ACSF3: variants seen among roughly 807,000 people sequenced by gnomAD.
ACSF3 encodes malonate--CoA ligase ACSF3, mitochondrial.
In ACSF3, 78 loss-of-function variants were observed where a neutral mutation model predicts 53.2. The ratio of observed to expected loss-of-function variants is 1.47; its 90% confidence interval spans 1.22 to 1.77. The LOEUF is 1.77. Among genes scored for constraint, ACSF3 ranks in the 40% most tolerant of loss-of-function variants. The pLI is 0.00. For missense variants in ACSF3, 937 were observed against 771.1 expected (o/e 1.22, Z -2.55); for synonymous variants, 414 against 333.1 (o/e 1.24, Z -2.65).
chr16:89,131,127 C>CTTTTTTTTTTTTTTTTTTTTTTTT (rs558773398), intron 7 of ACSF3, among the ~76,000 whole-genome samples: 28 of 69,546 alleles, frequency 4.0e-4, no homozygotes, highest in Non-Finnish European at 6.2e-4. Flanking sequence ...TTTTCTTTTT[C>CTTTTTTTTTTTTTTTTTTTTTTTT]TTTTTTTTTT....
In ACSF3 at chr16:89,113,948, C is replaced by T. The variant is rs142478512; in HGVS notation, c.978-391C>T. On this transcript the variant is annotated intron_variant, in intron 5 of 10. Coordinates refer to ENST00000614302, the MANE Select transcript of ACSF3 (RefSeq NM_001243279.3). ...TGTGCCTGGCCGCAGCCTGCAGCGC[C>T]GTGGCTGTTCACCCGTGATCAGCTC... 6.6e-5 allele frequency: 23 copies of T among 349,028 alleles called. No homozygotes were observed. The East Asian group carries it at 1.4e-3, about 21-fold the overall frequency. 21.6% of individuals were successfully genotyped at this position (349,028 alleles called of 1,614,324 possible).
In ACSF3 at chr16:89,106,601, A is replaced by C. The variant is rs563622796; in HGVS notation, c.822+3842A>C. On this transcript the variant is annotated intron_variant, in intron 4 of 10. Coordinates refer to ENST00000614302, the MANE Select transcript of ACSF3 (RefSeq NM_001243279.3). ...GCCACTATGCCCAGCTGAAAACTTA[A>C]TATTTAAACAAATTTGATGCTGTGG... is the stretch of plus-strand genomic sequence containing the variant. 5.3e-5 allele frequency among the ~76,000 whole-genome samples: 8 copies of C among 152,204 alleles called. No individual in the cohort carries two copies. The South Asian group carries it at 1.4e-3, about 28-fold the overall frequency.
At chr16:89,124,373 A>G (rs888725596) in intron 7 of ACSF3, among the ~76,000 whole-genome samples, 7 of 146,762 alleles carry the variant, frequency 4.8e-5, no homozygotes, top group African/African-American at 1.7e-4. Flanking sequence ...TGCACACTGC[A>G]TGTGTGTGAT....
rs1160137181 is a variant in ACSF3 at position 89,155,171 on chromosome 16, A to C, written c.*964A>C. On this transcript the variant is annotated 3_prime_UTR_variant, in exon 11 of 11. Coordinates refer to ENST00000614302, the MANE Select transcript of ACSF3 (RefSeq NM_001243279.3). ...ACAGGGGCCACATGCAGAATCCAGA[A>C]GTTTCTGGACAATTTTCAGAAGAAT... is the stretch of plus-strand genomic sequence containing the variant. 2 of 454,046 alleles carry C rather than the reference A, an allele frequency of 4.4e-6. No individual in the cohort carries two copies. Among genetic ancestry groups the C allele is most frequent in the African/African-American group, 2.0e-5 (1 of 50,014 alleles). The allele number at this position is 454,046 out of a possible 1,614,324, so 28.1% of individuals were successfully genotyped here. A position where few individuals can be genotyped will look rare whatever the true frequency, so the allele number is the denominator to read the frequency against.
At chr16:89,126,351 C>T (rs541659329) in intron 7 of ACSF3, among the ~76,000 whole-genome samples, 7 of 152,288 alleles carry the variant, frequency 4.6e-5, no homozygotes, top group African/African-American at 1.4e-4. Context: ...TCACTGCAAC[C>T]TCTACTTCCT....
chr16:89,139,592 T>G (rs377117866), intron 8 of ACSF3, among the ~76,000 whole-genome samples: 18 of 74,546 alleles, frequency 2.4e-4, no homozygotes, highest in East Asian at 2.3e-3. Context: ...TTTTTTTCTG[T>G]TTTTTTTTTT....
chr16:89,112,608 C>T (rs567602871), intron 5 of ACSF3, among the ~76,000 whole-genome samples: 1 of 152,240 alleles, frequency 6.6e-6, no homozygotes, highest in South Asian at 2.1e-4. Context: ...TGTCTTCTCT[C>T]TGTCTCTCTC....
intron 8 of ACSF3, among the ~76,000 whole-genome samples, chr16:89,137,084 C>G (rs920921919): frequency 1.6e-4 from 25 of 152,202 alleles, no homozygotes; most frequent in Admixed American, 1.0e-3. Context: ...GCGGGAGCAG[C>G]AGCAGCAGCA....
At chr16:89,114,154 A>G (rs767883893) in intron 5 of ACSF3, 185 bp from the exon 6 acceptor site, 6 of 734,600 alleles carry the variant, frequency 8.2e-6, no homozygotes, top group South Asian at 3.1e-5. Context: ...GCCGTAGCGC[A>G]GACTGCAGCG....
At chr16:89,145,787 GCACCA>G in intron 9 of ACSF3, 146 bp from the exon 10 acceptor site, 1 of 778,234 alleles carries the variant, frequency 1.3e-6, no homozygotes, top group Non-Finnish European at 2.3e-6. Context: ...GGCCCAGCCA[GCACCA>G]GGACGAGTGA....
chr16:89,100,434 C>G (rs1975136492), intron 2 of ACSF3, among the ~76,000 whole-genome samples: 1 of 152,200 alleles, frequency 6.6e-6, no homozygotes, highest in Non-Finnish European at 1.5e-5. Flanking sequence ...GTTTGGGAAT[C>G]CTTAAACTCA....
chr16:89,101,359 C>A lies in ACSF3; in HGVS notation c.666+12C>A, dbSNP rs756416005. Reference sequence around the variant, plus strand: ...ACATCAGGGCTGTGGTGAGTGCCGCCTGGCGCCGTGATGGTTTCGGTGACC... The same window carrying A: ...ACATCAGGGCTGTGGTGAGTGCCGCATGGCGCCGTGATGGTTTCGGTGACC... On this transcript the variant is annotated intron_variant, in intron 3 of 10. Coordinates refer to ENST00000614302, the MANE Select transcript of ACSF3 (RefSeq NM_001243279.3). 3.8e-6 allele frequency: 6 copies of A among 1,569,140 alleles called. No individual in the cohort carries two copies. The Admixed American group carries it at 1.1e-4, about 30-fold the overall frequency.
intron 10 of ACSF3, chr16:89,151,130 G>A (rs759894011): frequency 2.0e-5 from 19 of 934,634 alleles, no homozygotes; most frequent in African/African-American, 1.0e-4. Flanking sequence ...GCAGGATGGC[G>A]GCACGGAGGG....
intron 7 of ACSF3, among the ~76,000 whole-genome samples, chr16:89,123,954 GCA>G (rs1244469836): frequency 6.6e-6 from 1 of 152,116 alleles, no homozygotes; most frequent in Non-Finnish European, 1.5e-5. Context: ...CACGCAGTGT[GCA>G]CACGGATAGC....
In ACSF3 at chr16:89,100,972, G is replaced by A. The variant is rs1299639090; in HGVS notation, c.291G>A (p.Arg97=). Reference sequence around the variant, plus strand: ...TCGGCGGGGACCTCCGGGAGGAGAGGGTCTCCTTCCTATGCGCTAACGATG... The same window carrying A: ...TCGGCGGGGACCTCCGGGAGGAGAGAGTCTCCTTCCTATGCGCTAACGATG... ...GCVGGDLREE[R]VSFLCANDAS... is the part of the protein sequence containing the mutation. The change falls in exon 3 of 11, where the codon AGG becomes AGA. Residue 97 remains arginine, a synonymous_variant. Coordinates refer to ENST00000614302, the MANE Select transcript of ACSF3 (RefSeq NM_001243279.3). The A allele has an allele frequency of 6.2e-7, 1 of 1,613,460 alleles. No individual in the cohort carries two copies. Among genetic ancestry groups the A allele is most frequent in the African/African-American group, 1.3e-5 (1 of 74,942 alleles).
intron 6 of ACSF3, chr16:89,114,740 G>T: frequency 1.8e-6 from 1 of 566,990 alleles, no homozygotes; most frequent in South Asian, 1.9e-5. Flanking sequence ...GTATGACTGG[G>T]GAGACAATGG....
In ACSF3 at chr16:89,154,196, C is replaced by CA. The variant is rs768886326; in HGVS notation, c.1721dup (p.His574GlnfsTer46). ...CAAGAAGGCGCTCATCAGGCACTTCCACCCCTCATGACCCGGCAGACTGGG... is the reference window on the plus strand; with the variant it reads ...CAAGAAGGCGCTCATCAGGCACTTCCAACCCCTCATGACCCGGCAGACTGGG... On this transcript the variant is annotated frameshift_variant, in exon 11 of 11. Transcript: ENST00000614302. LOFTEE classifies it high-confidence loss of function. 86 of 1,613,356 alleles carry CA rather than the reference C, an allele frequency of 5.3e-5. No individual in the cohort carries two copies. The highest frequency in any genetic ancestry group is 6.4e-5 in the Non-Finnish European group (76 of 1,179,854).
chr16:89,139,088 G>A (rs903232201), intron 8 of ACSF3, among the ~76,000 whole-genome samples: 13 of 152,214 alleles, frequency 8.5e-5, no homozygotes, highest in African/African-American at 2.9e-4. Context: ...GGCACGGCCC[G>A]GCTCAGTCCC....
intron 2 of ACSF3, 61 bp downstream of exon 2, chr16:89,098,824 T>C (rs552532864): frequency 2.2e-6 from 1 of 453,868 alleles, no homozygotes; most frequent in African/African-American, 2.0e-5. Flanking sequence ...GCCTTGTTTG[T>C]TTACTGAACA....
Sources: gnomAD v4.1 joint callset for allele counts (sites outside exome capture counted in the v4.1 genomes callset) on GRCh38, gnomAD v4.1.1 for gene constraint, MANE v1.5 for transcripts, NCBI Gene and HGNC (gene_info 2026-07-23, HGNC 2026-07-21) for gene names.